The following CKM variants were observed in gnomAD, a reference collection of about 807,000 sequenced individuals.
CKM encodes the protein creatine kinase, M-type, also known as creatine kinase M-type.
CKM carries 28 observed loss-of-function variants against 35.4 expected under a neutral mutation model. The ratio of observed to expected loss-of-function variants is 0.79; its 90% CI spans 0.59 to 1.08. The LOEUF is 1.08. Among genes scored for constraint, CKM ranks in the 50% least tolerant of loss-of-function variants. The probability of loss-of-function intolerance (pLI) is 0.00; values close to 1 mark genes in which losing one functional copy is unlikely to be tolerated. For missense variants in CKM, 484 were observed against 509.8 expected (o/e 0.95, Z 0.49); for synonymous variants, 215 against 204.4 (o/e 1.05, Z -0.44).
chr19:45,321,063 A>ATTTTTTTTTTTTTTTTT (rs35089528), intron 1 of CKM, among the ~76,000 whole-genome samples: 1 of 142,674 alleles, frequency 7.0e-6, no homozygotes, highest in Non-Finnish European at 1.5e-5. Flanking sequence ...ACACCTGGCT[A>ATTTTTTTTTTTTTTTTT]TTTTTTTTTT....
chr19:45,312,011 G>C, intron 4 of CKM, 91 bp from the exon 5 acceptor site: 1 of 1,457,634 alleles, frequency 6.9e-7, no homozygotes, highest in Non-Finnish European at 9.5e-7. Context: ...TGCTCCTAAC[G>C]GGCCTGGGCC....
chr19:45,322,433 ACT>A (rs1299088089), intron 1 of CKM, among the ~76,000 whole-genome samples: 3 of 152,122 alleles, frequency 2.0e-5, no homozygotes, highest in African/African-American at 7.2e-5. Flanking sequence ...GCTCTTGCAG[ACT>A]CTGCTAGGCG....
chr19:45,312,983 T>C (rs2123137211), intron 4 of CKM, among the ~76,000 whole-genome samples: 1 of 151,956 alleles, frequency 6.6e-6, no homozygotes, highest in East Asian at 1.9e-4. Flanking sequence ...AAATTGTGTG[T>C]TTATTTGTAT....
intron 4 of CKM, among the ~76,000 whole-genome samples, chr19:45,313,589 G>A (rs1312947917): frequency 3.3e-5 from 5 of 152,226 alleles, no homozygotes; most frequent in African/African-American, 9.6e-5. Flanking sequence ...GCTCACGCCT[G>A]TAATCCTAGT....
At chr19:45,314,454 C>A (rs1971138787) in intron 4 of CKM, among the ~76,000 whole-genome samples, 1 of 152,056 alleles carries the variant, frequency 6.6e-6, no homozygotes, top group Admixed American at 6.6e-5. Context: ...CACTCTGTCC[C>A]CCAGGCTGGA....
At chr19:45,320,135 G>A (rs1000102560) in intron 1 of CKM, among the ~76,000 whole-genome samples, 1 of 151,412 alleles carries the variant, frequency 6.6e-6, no homozygotes, top group African/African-American at 2.4e-5. Context: ...TACCCAGGTT[G>A]GAGTGCAGTG....
At chr19:45,308,608 A>C in intron 5 of CKM, 76 bp from the exon 6 acceptor site, 14 of 1,573,632 alleles carry the variant, frequency 8.9e-6, no homozygotes, top group East Asian at 4.5e-5. Flanking sequence ...CCCCCAAAAC[A>C]TCTGCCCACC....
rs573438968 is a variant in CKM, at chr19:45,310,321, C to T, written c.653+1428G>A. 6.6e-5 allele frequency among the ~76,000 whole-genome samples: 10 copies of T among 152,000 alleles called. No individual in the cohort carries two copies. In the East Asian group the frequency reaches 1.4e-3, roughly 21 times the overall value. On this transcript the variant is annotated intron_variant, in intron 5 of 7. Transcript: ENST00000221476. ...ATTTTTAGTAGAGACGGGGTTTCACCATGTTAGCCAGGATGGTCTCGATCT... is the reference window on the plus strand; with the variant it reads ...ATTTTTAGTAGAGACGGGGTTTCACTATGTTAGCCAGGATGGTCTCGATCT...
At position 45,306,621 on chromosome 19, in the gene CKM, A is replaced by G; in HGVS notation, c.*129T>C. 1.1e-6 allele frequency: 1 copy of G among 903,666 alleles called. No individual in the cohort carries two copies. The highest frequency in any genetic ancestry group is 1.8e-6 in the Non-Finnish European group (1 of 563,914). 56.0% of individuals were successfully genotyped at this position (903,666 alleles called of 1,614,324 possible). ...TCTGGTTGAAACTGGAACTCTGAGA[A>G]GGGTGGAGAGAGCCCCCAGGTGGGA... On this transcript the variant is annotated 3_prime_UTR_variant, in exon 8 of 8. Coordinates refer to ENST00000221476, the MANE Select transcript of CKM (RefSeq NM_001824.5). This position sits in a 1 kb window ranked among gnomAD's most constrained non-coding sequence, Gnocchi z 4.5.
At chr19:45,316,103 G>A (rs966662128) in intron 3 of CKM, among the ~76,000 whole-genome samples, 9 of 152,070 alleles carry the variant, frequency 5.9e-5, no homozygotes, top group African/African-American at 2.2e-4. Context: ...GCCGAGGTGA[G>A]CCAATCACCT....
chr19:45,316,789 A>C (rs973805342), intron 3 of CKM, among the ~76,000 whole-genome samples: 6 of 150,288 alleles, frequency 4.0e-5, no homozygotes, highest in African/African-American at 1.5e-4. Flanking sequence ...TTTTAGGCAG[A>C]GTCTCGCTCT....
At chr19:45,308,299 TGGAAAATGGGTG>T in intron 6 of CKM, 98 bp downstream of exon 6, 1 of 1,347,386 alleles carries the variant, frequency 7.4e-7, no homozygotes. Context: ...GGCAGGGCCC[TGGAAAATGGGTG>T]GGGCAGGGCT....
At chr19:45,322,625 G>A (rs185347762) in intron 1 of CKM, among the ~76,000 whole-genome samples, 196 bp downstream of exon 1, 6 of 152,288 alleles carry the variant, frequency 3.9e-5, no homozygotes, top group African/African-American at 7.2e-5. Context: ...CCCAGTGGGG[G>A]GTTCAGGCAG....
In CKM at chr19:45,315,531, C is replaced by T. The variant is rs367804619; in HGVS notation, c.415G>A (p.Gly139Ser). ...GAGCAGTGTGGGGGCAACGTGTAGC[C>T]CTTGATGCTGCGGCCAGTGCGGACG... Reference protein sequence around the residue: ...SRVRTGRSIKGYTLPPHCSRG... With the variant: ...SRVRTGRSIKSYTLPPHCSRG... Residue 139 changes from glycine (G) to serine (S), a missense_variant, in exon 4 of 8, where the codon GGC (glycine) becomes AGC (serine). Transcript: ENST00000221476. 9 of 1,602,108 alleles carry T rather than the reference C, an allele frequency of 5.6e-6. No individual in the cohort carries two copies. In the African/African-American group the frequency reaches 1.1e-4, roughly 19 times the overall value.
chr19:45,308,291 C>T (rs1246624566), intron 6 of CKM, 118 bp downstream of exon 6: 15 of 1,274,244 alleles, frequency 1.2e-5, no homozygotes, highest in Non-Finnish European at 1.4e-5. Flanking sequence ...GTCCGGGGGG[C>T]AGGGCCCTGG....
At chr19:45,309,302 C>T (rs1289361823) in intron 5 of CKM, among the ~76,000 whole-genome samples, 1 of 151,516 alleles carries the variant, frequency 6.6e-6, no homozygotes, top group African/African-American at 2.4e-5. Flanking sequence ...TGCCTGTAAT[C>T]CCAGCACTTT....
chr19:45,310,497 G>C (rs1430423758), intron 5 of CKM, among the ~76,000 whole-genome samples: 1 of 152,104 alleles, frequency 6.6e-6, no homozygotes, highest in Admixed American at 6.6e-5. Flanking sequence ...AAATTATTGT[G>C]ATCCCTATCC....
intron 1 of CKM, among the ~76,000 whole-genome samples, chr19:45,320,343 C>T (rs1027488768): frequency 2.6e-5 from 4 of 152,098 alleles, no homozygotes; most frequent in Admixed American, 6.5e-5. Flanking sequence ...GTGATCCACC[C>T]GCCTCGGCCT....
At chr19:45,311,661 T>G in intron 5 of CKM, 88 bp downstream of exon 5, 1 of 1,138,448 alleles carries the variant, frequency 8.8e-7, no homozygotes, top group Non-Finnish European at 1.2e-6. Flanking sequence ...GTATATGGCC[T>G]TGGTTTTGGT....
Sources: allele counts gnomAD v4.1 joint callset (sites outside exome capture counted in the v4.1 genomes callset), GRCh38; gene constraint gnomAD v4.1.1; non-coding constraint Gnocchi (gnomAD v3.1); transcripts MANE v1.5; gene names NCBI Gene and HGNC (gene_info 2026-07-23, HGNC 2026-07-21).